Variants in SEL1L2 observed in about 807,000 individuals in gnomAD.
The protein encoded by SEL1L2 is SEL1L2 adaptor subunit of SYVN1 ubiquitin ligase, also known as protein sel-1 homolog 2.
A neutral mutation model predicts 98.8 loss-of-function variants in SEL1L2; 89 were observed. The ratio of observed to expected loss-of-function variants is 0.90; its 90% CI spans 0.76 to 1.07. The LOEUF (loss-of-function observed/expected upper bound fraction) is 1.07. Ranked by LOEUF, SEL1L2 falls within the 50% of genes least tolerant of loss-of-function variation. The pLI is 0.00. For missense variants in SEL1L2, 788 were observed against 812.0 expected (o/e 0.97, Z 0.36); for synonymous variants, 262 against 278.5 (o/e 0.94, Z 0.59).
chr20:13,985,107 C>G (rs1012235588), intron 1 of SEL1L2, among the ~76,000 whole-genome samples: 9 of 152,018 alleles, frequency 5.9e-5, no homozygotes, highest in Admixed American at 2.6e-4. Context: ...CCCTCTCCCC[C>G]AACCCTCACA....
chr20:13,983,533 T>G (rs919614432), intron 1 of SEL1L2, among the ~76,000 whole-genome samples: 22 of 152,212 alleles, frequency 1.4e-4, no homozygotes, highest in African/African-American at 5.3e-4. Context: ...TTTTTGTTTT[T>G]TTTTGAGACA....
chr20:13,960,776 C>A (rs551085193), intron 1 of SEL1L2, among the ~76,000 whole-genome samples: 3 of 152,148 alleles, frequency 2.0e-5, no homozygotes, highest in African/African-American at 7.2e-5. Flanking sequence ...CTGTAAAAAA[C>A]CACAATCTAC....
At chr20:13,864,884 A>C (rs889127278) in intron 17 of SEL1L2, among the ~76,000 whole-genome samples, 3 of 152,158 alleles carry the variant, frequency 2.0e-5, no homozygotes, top group African/African-American at 7.2e-5. Context: ...TTTTTGAGTA[A>C]AATTGTATAT....
chr20:13,907,742 C>CTTT (rs111587079), intron 5 of SEL1L2, among the ~76,000 whole-genome samples: 1 of 83,540 alleles, frequency 1.2e-5, no homozygotes, highest in Admixed American at 1.3e-4. Context: ...TTCTTTCTTT[C>CTTT]TTTCTTTTCT....
chr20:13,874,898 T>G lies in SEL1L2; in HGVS notation c.1104+1140A>C, dbSNP rs557774609. Among the ~76,000 whole-genome samples, 12 of 152,220 alleles carry G rather than the reference T, an allele frequency of 7.9e-5. No homozygotes were observed. In the South Asian group the frequency reaches 2.1e-3, roughly 26 times the overall value. On this transcript the variant is annotated intron_variant, in intron 12 of 19. Coordinates refer to ENST00000284951, the MANE Select transcript of SEL1L2 (RefSeq NM_025229.2). ...CAAAATGCTTCCTACTGTGCAGGGT[T>G]AGAAAGTTTACCAAGGCCATTCGCC...
rs533020521 is a variant in SEL1L2 at position 13,903,890 on chromosome 20, C to T, written c.549+9892G>A. 3.9e-5 allele frequency among the ~76,000 whole-genome samples: 6 copies of T among 152,314 alleles called. No homozygotes were observed. The East Asian group carries it at 1.2e-3, about 29-fold the overall frequency. On this transcript the variant is annotated intron_variant, in intron 5 of 19. Coordinates refer to ENST00000284951, the MANE Select transcript of SEL1L2 (RefSeq NM_025229.2). Reference sequence around the variant, plus strand: ...GAGTATTTCAGAGACCTGCTTTCACCTTGACATTAGTTTATTAGTGTTACC... The same window carrying T: ...GAGTATTTCAGAGACCTGCTTTCACTTTGACATTAGTTTATTAGTGTTACC...
chr20:13,905,307 A>G (rs909961001), intron 5 of SEL1L2, among the ~76,000 whole-genome samples: 22 of 150,194 alleles, frequency 1.5e-4, no homozygotes, highest in Non-Finnish European at 1.8e-4. Context: ...ACTGTCCTAT[A>G]ACTTTTTTTT....
chr20:13,979,114 A>T (rs1309585310), intron 1 of SEL1L2, among the ~76,000 whole-genome samples: 2 of 152,288 alleles, frequency 1.3e-5, no homozygotes, highest in African/African-American at 2.4e-5. Context: ...TGCAACATGG[A>T]TGAGCCCAGA....
chr20:13,858,376 C>T (rs1989499559), intron 18 of SEL1L2, among the ~76,000 whole-genome samples: 1 of 151,874 alleles, frequency 6.6e-6, no homozygotes, highest in African/African-American at 2.4e-5. Flanking sequence ...ACTCTTTCAC[C>T]AAAAAACAGG....
At chr20:13,973,170 G>A (rs2051363131) in intron 1 of SEL1L2, 1 of 151,986 alleles carries the variant, frequency 6.6e-6, no homozygotes, top group Non-Finnish European at 1.5e-5. Flanking sequence ...CAGCCTTAAG[G>A]TTTTCACTTT....
At chr20:13,877,141 G>A (rs1020467379) in intron 11 of SEL1L2, among the ~76,000 whole-genome samples, 1 of 152,050 alleles carries the variant, frequency 6.6e-6, no homozygotes, top group Admixed American at 6.6e-5. Flanking sequence ...CACTTTTAAG[G>A]CTGCTTTTGG....
intron 1 of SEL1L2, among the ~76,000 whole-genome samples, chr20:13,978,460 T>C (rs2051648652): frequency 6.6e-6 from 1 of 152,142 alleles, no homozygotes; most frequent in East Asian, 1.9e-4. Context: ...TTAAACACTG[T>C]TAGTGGAAAG....
rs547622835 is a variant in SEL1L2 at position 13,905,977 on chromosome 20, C to T, written c.549+7805G>A. On this transcript the variant is annotated intron_variant, in intron 5 of 19. Transcript: ENST00000284951. Reference sequence around the variant, plus strand: ...GCAACCTCCACCTCCCAGGTTCAAGCGATTCTCCTGCCTCGGCCTTCCAAG... The same window carrying T: ...GCAACCTCCACCTCCCAGGTTCAAGTGATTCTCCTGCCTCGGCCTTCCAAG... Among the ~76,000 whole-genome samples, 11 of 150,308 alleles carry T rather than the reference C, an allele frequency of 7.3e-5. No homozygotes were observed. The South Asian group carries it at 1.9e-3, about 26-fold the overall frequency.
Position 13,952,962 on chromosome 20 carries a change from T to C in SEL1L2, c.114+3114A>G, listed in dbSNP as rs549230345. On this transcript the variant is annotated intron_variant, in intron 2 of 19. Coordinates refer to ENST00000284951, the MANE Select transcript of SEL1L2 (RefSeq NM_025229.2). ...GAGAATCGCTTAAACCTGGGAGGCT[T>C]GCAGTGAAAGCCTTCTTTTTTCCTC... 5.3e-5 allele frequency among the ~76,000 whole-genome samples: 8 copies of C among 152,300 alleles called. No homozygotes were observed. The East Asian group carries it at 1.5e-3, about 29-fold the overall frequency.
chr20:13,885,602 G>A (rs1424885421), intron 9 of SEL1L2, among the ~76,000 whole-genome samples, 199 bp from the exon 10 acceptor site: 2 of 152,154 alleles, frequency 1.3e-5, no homozygotes, highest in Non-Finnish European at 2.9e-5. Context: ...TTAGTGGCTG[G>A]AAGCTGGTCT....
chr20:13,883,066 C>T (rs2046789982), intron 10 of SEL1L2, among the ~76,000 whole-genome samples: 1 of 152,042 alleles, frequency 6.6e-6, no homozygotes, highest in Non-Finnish European at 1.5e-5. Context: ...GTGATCCGCC[C>T]GCCTCGGCCT....
chr20:13,989,878 C>T (rs1002939407), intron 1 of SEL1L2, among the ~76,000 whole-genome samples: 14 of 151,818 alleles, frequency 9.2e-5, no homozygotes, highest in African/African-American at 3.4e-4. Flanking sequence ...TGAATTCTAA[C>T]CACTAGACAA....
chr20:13,887,964 T>G lies in SEL1L2; in HGVS notation c.641A>C (p.Asn214Thr). 6.2e-7 allele frequency: 1 copy of G among 1,613,796 alleles called. No homozygotes were observed. Among genetic ancestry groups the G allele is most frequent in the Non-Finnish European group, 8.5e-7 (1 of 1,179,858 alleles). ...IYYTFGSAGG[N>T]MMSQMILGYR... is the part of the protein sequence containing the mutation. ...AACCAAAATCATCTGGGACATCATG[T>G]TTCCTCCAGCACTTCCAAAGGTGTA... Residue 214 changes from asparagine (N) to threonine (T), a missense_variant, in exon 7 of 20, where the codon AAC becomes ACC. Physicochemically the swap from Asn to Thr is moderately conservative, Grantham distance 65. Transcript: ENST00000284951.
At chr20:13,988,818 G>T (rs1162827023) in intron 1 of SEL1L2, among the ~76,000 whole-genome samples, 3 of 152,066 alleles carry the variant, frequency 2.0e-5, no homozygotes, top group Non-Finnish European at 2.9e-5. Flanking sequence ...TTAAAGACCA[G>T]CCTGGCCAAC....
Sources: allele counts gnomAD v4.1 joint callset (sites outside exome capture counted in the v4.1 genomes callset), GRCh38; gene constraint gnomAD v4.1.1; transcripts MANE v1.5; gene names NCBI Gene and HGNC (gene_info 2026-07-23, HGNC 2026-07-21).